The following RMDN1 variants were observed in gnomAD, a reference collection of about 807,000 sequenced individuals.
The protein encoded by RMDN1 is regulator of microtubule dynamics 1.
RMDN1 carries 48 observed loss-of-function variants against 48.9 expected under a neutral mutation model. That is an observed-to-expected ratio of 0.98 (90% CI 0.78 to 1.25). The LOEUF (loss-of-function observed/expected upper bound fraction) is 1.25. Ranked by LOEUF, RMDN1 falls within the 50% of genes most tolerant of loss-of-function variation. RMDN1 has a pLI of 0.00. For missense variants in RMDN1, 418 were observed against 373.4 expected, an observed-to-expected ratio of 1.12 and a Z score of -0.98; for synonymous variants, 148 against 132.6, an observed-to-expected ratio of 1.12 and a Z score of -0.80.
chr8:86,503,711 TTGAG>T (rs1818792591), intron 2 of RMDN1: 2 of 474,326 alleles, frequency 4.2e-6, no homozygotes, highest in East Asian at 1.1e-4. Flanking sequence ...CAATAACACT[TTGAG>T]TGACCAGGCA....
At chr8:86,496,706 A>C (rs1269407838) in intron 2 of RMDN1, among the ~76,000 whole-genome samples, 1 of 152,194 alleles carries the variant, frequency 6.6e-6, no homozygotes, top group Non-Finnish European at 1.5e-5. Flanking sequence ...AGACTTCAAC[A>C]CTCCATTGAC....
intron 2 of RMDN1, among the ~76,000 whole-genome samples, chr8:86,497,286 A>T (rs1817523589): frequency 6.6e-6 from 1 of 152,246 alleles, no homozygotes; most frequent in Non-Finnish European, 1.5e-5. Flanking sequence ...TAACAAAATT[A>T]AGAGCTGAAC....
upstream of RMDN1, chr8:86,514,351 A>G (rs62510803): frequency 9.0e-5 from 67 of 744,386 alleles, no homozygotes; most frequent in Non-Finnish European, 1.1e-4. Context: ...CTCCCTGCGG[A>G]TGGGCTGATC....
At chr8:86,510,500 G>A (rs574966449), upstream of RMDN1, among the ~76,000 whole-genome samples, 3 of 152,062 alleles carry the variant, frequency 2.0e-5, no homozygotes, top group Non-Finnish European at 2.9e-5. Flanking sequence ...TAGTCCCATC[G>A]GTTTAAAGCA....
chr8:86,477,519 A>G, intron 7 of RMDN1, 195 bp from the exon 8 acceptor site: 3 of 482,970 alleles, frequency 6.2e-6, no homozygotes, highest in Non-Finnish European at 1.1e-5. Context: ...CAAGATTACA[A>G]TATATGGACT....
chr8:86,504,404 T>C (rs1359383825), intron 2 of RMDN1: 10 of 1,561,160 alleles, frequency 6.4e-6, no homozygotes, highest in East Asian at 4.5e-5. Flanking sequence ...ATCATTTCCA[T>C]TGTGCTCCAG....
At chr8:86,475,718 T>TC (rs1365349519) in intron 8 of RMDN1, among the ~76,000 whole-genome samples, 2 of 152,224 alleles carry the variant, frequency 1.3e-5, no homozygotes, top group East Asian at 3.8e-4. Flanking sequence ...GCATACTTTT[T>TC]CCTGTATACA....
Position 86,508,643 on chromosome 8 carries a change from C to G in RMDN1, c.-23G>C, listed in dbSNP as rs779018081. 2 of 1,585,180 alleles carry G rather than the reference C, an allele frequency of 1.3e-6. No homozygotes were observed. Among genetic ancestry groups the G allele is most frequent in the South Asian group, 1.1e-5 (1 of 89,436 alleles). On this transcript the variant is annotated 5_prime_UTR_variant, in exon 1 of 10. Coordinates refer to ENST00000406452, the MANE Select transcript of RMDN1 (RefSeq NM_016033.3). ...CATGACCTGCAACTTGCGGGCTGACCCTGCACTACTTCAGGCAGCTACGGA... is the reference window on the plus strand; with the variant it reads ...CATGACCTGCAACTTGCGGGCTGACGCTGCACTACTTCAGGCAGCTACGGA...
chr8:86,508,857 A>G, upstream of RMDN1: 8 of 1,201,012 alleles, frequency 6.7e-6, no homozygotes, highest in Non-Finnish European at 8.3e-6. Context: ...TGCGTCCAGG[A>G]CTGAGGCCGT....
intron 2 of RMDN1, among the ~76,000 whole-genome samples, chr8:86,498,182 ACAT>A (rs1218755800): frequency 6.6e-6 from 1 of 152,134 alleles, no homozygotes; most frequent in Non-Finnish European, 1.5e-5. Context: ...ATTCCTAGAA[ACAT>A]CCCAAGATTG....
In RMDN1 at chr8:86,473,599, C is replaced by A. The variant is rs142086131; in HGVS notation, c.*709G>T. 793 of 434,036 alleles carry A rather than the reference C, an allele frequency of 1.8e-3. 2 individuals carry two copies. Among genetic ancestry groups the A allele is most frequent in the South Asian group, 9.1e-3 (94 of 10,326 alleles). 26.9% of individuals were successfully genotyped at this position (434,036 alleles called of 1,614,324 possible). A position where few individuals can be genotyped will look rare whatever the true frequency, so the allele number is the denominator to read the frequency against. Reference sequence around the variant, plus strand: ...TAGCCAACATGGCAAAACCCCATCTCTACCAAAAATACAAAAGTTAGCCGA... The same window carrying A: ...TAGCCAACATGGCAAAACCCCATCTATACCAAAAATACAAAAGTTAGCCGA... On this transcript the variant is annotated 3_prime_UTR_variant, in exon 10 of 10. Transcript: ENST00000406452.
intron 1 of RMDN1, chr8:86,508,269 T>A: frequency 2.2e-6 from 1 of 462,078 alleles, no homozygotes; most frequent in South Asian, 4.2e-5. Context: ...CTGGGGCGCG[T>A]GGGGGCAAAC....
At chr8:86,489,884 A>G (rs1397621349) in intron 2 of RMDN1, among the ~76,000 whole-genome samples, 1 of 152,060 alleles carries the variant, frequency 6.6e-6, no homozygotes, top group Non-Finnish European at 1.5e-5. Flanking sequence ...AATTAGCAAA[A>G]AGAAAAATAC....
chr8:86,493,968 T>G (rs1816913540), intron 2 of RMDN1, among the ~76,000 whole-genome samples: 1 of 152,126 alleles, frequency 6.6e-6, no homozygotes. Flanking sequence ...CTACACTCTA[T>G]GATCTCACTT....
In RMDN1 at chr8:86,486,254, T is replaced by C. The variant is rs774792737; in HGVS notation, c.495+230A>G. ...GTAATTTATCAAATACATATGAAGT[T>C]AGACCAAATGTTTACAAAAACAAAG... On this transcript the variant is annotated intron_variant, in intron 4 of 9. Coordinates refer to ENST00000406452, the MANE Select transcript of RMDN1 (RefSeq NM_016033.3). Among the ~76,000 whole-genome samples, 2 of 152,160 alleles carry C rather than the reference T, an allele frequency of 1.3e-5. 1 individual carries two copies. Among genetic ancestry groups the C allele is most frequent in the East Asian group, 3.8e-4 (2 of 5,202 alleles).
upstream of RMDN1, among the ~76,000 whole-genome samples, chr8:86,511,944 A>G (rs1446573429): frequency 2.0e-5 from 3 of 152,230 alleles, no homozygotes; most frequent in African/African-American, 4.8e-5. Context: ...TTTTGTGAAT[A>G]TCTTTCATTT....
chr8:86,499,029 T>C (rs919227080), intron 2 of RMDN1, among the ~76,000 whole-genome samples: 1 of 152,074 alleles, frequency 6.6e-6, no homozygotes, highest in African/African-American at 2.4e-5. Flanking sequence ...TCGCTTTACC[T>C]TAAAAAACAT....
chr8:86,513,202 C>G (rs1820141354), upstream of RMDN1, among the ~76,000 whole-genome samples: 1 of 152,022 alleles, frequency 6.6e-6, no homozygotes, highest in Non-Finnish European at 1.5e-5. Flanking sequence ...TGGAGAAGCC[C>G]TGGCTCTACT....
chr8:86,495,027 T>C (rs868160485), intron 2 of RMDN1: 18 of 338,116 alleles, frequency 5.3e-5, no homozygotes, highest in Middle Eastern at 9.9e-4. Flanking sequence ...CAAGACACTT[T>C]TGAAAAACTA....
Sources: allele counts gnomAD v4.1 joint callset (sites outside exome capture counted in the v4.1 genomes callset), GRCh38; gene constraint gnomAD v4.1.1; transcripts MANE v1.5; gene names NCBI Gene and HGNC (gene_info 2026-07-23, HGNC 2026-07-21).